NAALADL2: variants seen among roughly 807,000 people sequenced by gnomAD.
NAALADL2 encodes the protein N-acetylated alpha-linked acidic dipeptidase like 2, also known as inactive N-acetylated-alpha-linked acidic dipeptidase-like protein 2.
NAALADL2 carries 76 observed loss-of-function variants against 87.2 expected under a neutral mutation model. The ratio of observed to expected loss-of-function variants is 0.87; its 90% CI spans 0.72 to 1.05. The LOEUF (loss-of-function observed/expected upper bound fraction) is 1.05. NAALADL2 is among the 50% of genes least tolerant of loss of function. The pLI, the probability that NAALADL2 is intolerant of heterozygous loss-of-function variation, is 0.00. For missense variants in NAALADL2, 1,089 were observed against 945.8 expected (o/e 1.15, Z -1.99); for synonymous variants, 354 against 331.0 (o/e 1.07, Z -0.75).
At chr3:175,575,416 C>T (rs1718718746) in intron 9 of NAALADL2, among the ~76,000 whole-genome samples, 1 of 152,052 alleles carries the variant, frequency 6.6e-6, no homozygotes, top group Non-Finnish European at 1.5e-5. Flanking sequence ...TGCTGAATAG[C>T]TGGAATTACA....
intron 11 of NAALADL2, among the ~76,000 whole-genome samples, chr3:175,664,460 A>T (rs1050815999): frequency 6.6e-6 from 1 of 152,120 alleles, no homozygotes; most frequent in African/African-American, 2.4e-5. Context: ...AGCCAGTTGT[A>T]GTAGAGAAGC....
chr3:175,093,129 G>A (rs2108336885), intron 1 of NAALADL2, among the ~76,000 whole-genome samples: 1 of 151,684 alleles, frequency 6.6e-6, no homozygotes, highest in East Asian at 1.9e-4. Context: ...CAAATCATCT[G>A]CATCAGTAAT....
chr3:175,472,519 T>C (rs1725056840), intron 9 of NAALADL2, among the ~76,000 whole-genome samples: 1 of 152,134 alleles, frequency 6.6e-6, no homozygotes. Flanking sequence ...TGTCTGTTAA[T>C]TTATATATTG....
chr3:175,020,634 T>G (rs1301517525), intron 1 of NAALADL2, among the ~76,000 whole-genome samples: 1 of 152,076 alleles, frequency 6.6e-6, no homozygotes, highest in African/African-American at 2.4e-5. Context: ...CTAACTGGCC[T>G]TACTTGTTTT....
At chr3:175,252,980 T>C (rs1749320911) in intron 3 of NAALADL2, among the ~76,000 whole-genome samples, 1 of 152,182 alleles carries the variant, frequency 6.6e-6, no homozygotes. Flanking sequence ...AGAAGCTATC[T>C]CCATGACATA....
chr3:175,576,199 T>TA lies in NAALADL2; in HGVS notation c.1800+18dup. On this transcript the variant is annotated intron_variant, in intron 10 of 13. Coordinates refer to ENST00000454872, the MANE Select transcript of NAALADL2 (RefSeq NM_207015.3). ...TCAAAACATTAGAGGTGATTGTTCC[T>TA]AAAAAATGCAAAACACACACACACA... The TA allele has an allele frequency of 1.9e-6, 3 of 1,607,844 alleles. No individual in the cohort carries two copies. The highest frequency in any genetic ancestry group is 1.1e-5 in the South Asian group (1 of 89,972).
At chr3:174,745,723 C>T (rs1452069551) in intron 3 of NAALADL2, among the ~76,000 whole-genome samples, 1 of 152,120 alleles carries the variant, frequency 6.6e-6, no homozygotes, top group Admixed American at 6.6e-5. Context: ...TCCAGCAGTG[C>T]ATCAAAAAGC....
chr3:174,702,402 AGTT>A (rs898249606), intron 2 of NAALADL2, among the ~76,000 whole-genome samples: 19 of 152,266 alleles, frequency 1.2e-4, no homozygotes, highest in African/African-American at 4.6e-4. Flanking sequence ...GCAATTACAA[AGTT>A]TCAAGCACTG....
chr3:174,942,510 T>C (rs2108475095), intron 1 of NAALADL2, among the ~76,000 whole-genome samples: 1 of 152,302 alleles, frequency 6.6e-6, no homozygotes, highest in African/African-American at 2.4e-5. Flanking sequence ...ATTATGTGTG[T>C]TGGGGATGAT....
intron 2 of NAALADL2, among the ~76,000 whole-genome samples, chr3:174,605,221 C>T (rs1052609907): frequency 6.6e-6 from 1 of 152,208 alleles, no homozygotes; most frequent in Non-Finnish European, 1.5e-5. Flanking sequence ...TGGTCTACAG[C>T]TCCCAGCGTG....
intron 1 of NAALADL2, among the ~76,000 whole-genome samples, chr3:174,995,850 C>T (rs1017737376): frequency 2.0e-5 from 3 of 150,704 alleles, no homozygotes; most frequent in African/African-American, 7.3e-5. Flanking sequence ...CGAATAACAC[C>T]CTCCCTCTGG....
At chr3:175,388,198 T>G (rs1450676370) in intron 5 of NAALADL2, among the ~76,000 whole-genome samples, 1 of 152,144 alleles carries the variant, frequency 6.6e-6, no homozygotes, top group Non-Finnish European at 1.5e-5. Flanking sequence ...AAGAGTCTGG[T>G]CATTTTTTAT....
chr3:175,413,343 G>A (rs981585460), intron 5 of NAALADL2, among the ~76,000 whole-genome samples: 2 of 150,926 alleles, frequency 1.3e-5, no homozygotes, highest in African/African-American at 4.9e-5. Context: ...AGGCCGAGGA[G>A]AGCGGATCAC....
At chr3:174,950,095 A>G (rs1249444336) in intron 1 of NAALADL2, among the ~76,000 whole-genome samples, 2 of 152,144 alleles carry the variant, frequency 1.3e-5, no homozygotes, top group African/African-American at 2.4e-5. Flanking sequence ...ACAATCAATG[A>G]CAACAAAATA....
At chr3:175,686,065 A>G (rs1213179464) in intron 11 of NAALADL2, among the ~76,000 whole-genome samples, 2 of 152,240 alleles carry the variant, frequency 1.3e-5, no homozygotes, top group East Asian at 1.9e-4. Flanking sequence ...CTTTACCTCC[A>G]TAAGATTCTG....
intron 2 of NAALADL2, among the ~76,000 whole-genome samples, chr3:174,720,223 T>C (rs989408557): frequency 6.6e-6 from 1 of 152,212 alleles, no homozygotes; most frequent in African/African-American, 2.4e-5. Context: ...TTTATTAAAG[T>C]AACTTTTAAA....
chr3:174,974,563 G>A (rs968655166), intron 1 of NAALADL2, among the ~76,000 whole-genome samples: 8 of 152,220 alleles, frequency 5.3e-5, no homozygotes, highest in Admixed American at 1.3e-4. Context: ...GCACATAGTA[G>A]GAATTCCACC....
intron 1 of NAALADL2, among the ~76,000 whole-genome samples, chr3:174,526,678 C>CTTT (rs11333906): frequency 1.4e-5 from 2 of 138,314 alleles, no homozygotes; most frequent in South Asian, 4.6e-4. Flanking sequence ...TTTTCTTTTT[C>CTTT]TTTTTTTTTT....
chr3:175,253,423 A>G lies in NAALADL2; in HGVS notation c.820-2988A>G, dbSNP rs549572894. On this transcript the variant is annotated intron_variant, in intron 3 of 13. Transcript: ENST00000454872. ...TGAGACCTACTGCTCTGAAAAAAAG[A>G]TTCCTTTCAAAAAATTATTGCTCTC... 3.3e-5 allele frequency among the ~76,000 whole-genome samples: 5 copies of G among 152,274 alleles called. No homozygotes were observed. The East Asian group carries it at 5.8e-4, about 18-fold the overall frequency.
Sources: gnomAD v4.1 joint callset for allele counts (sites outside exome capture counted in the v4.1 genomes callset) on GRCh38, gnomAD v4.1.1 for gene constraint, MANE v1.5 for transcripts, NCBI Gene and HGNC (gene_info 2026-07-23, HGNC 2026-07-21) for gene names.